The following CLK2 variants were observed in gnomAD, a reference collection of about 807,000 sequenced individuals.
CLK2 encodes dual specificity protein kinase CLK2.
Under a neutral mutation model 73.5 loss-of-function variants are expected in CLK2, and 12 were observed. That is an observed-to-expected ratio of 0.16 (90% CI 0.10 to 0.26). CLK2 has a LOEUF of 0.26. Among genes scored for constraint, CLK2 ranks in the 10% least tolerant of loss-of-function variants. The probability of loss-of-function intolerance (pLI) is 1.00; values close to 1 mark genes in which losing one functional copy is unlikely to be tolerated. For synonymous variants in CLK2, 232 were observed against 237.9 expected, an observed-to-expected ratio of 0.98 and a Z score of 0.23; for missense variants, 509 against 688.4, an observed-to-expected ratio of 0.74 and a Z score of 2.92.
At chr1:155,267,792 G>A (rs1673302524) in intron 6 of CLK2, among the ~76,000 whole-genome samples, 1 of 152,154 alleles carries the variant, frequency 6.6e-6, no homozygotes, top group African/African-American at 2.4e-5. Context: ...AAACGACAGA[G>A]CAATCTAACT....
intron 6 of CLK2, 83 bp from the exon 7 acceptor site, chr1:155,266,978 G>A: frequency 2.0e-6 from 3 of 1,466,044 alleles, no homozygotes; most frequent in South Asian, 2.5e-5. Context: ...GTACTTCATA[G>A]CTGTTGATTC....
chr1:155,268,766 T>C lies in CLK2; in HGVS notation c.429A>G (p.Val143=). 6.2e-7 allele frequency: 1 copy of C among 1,603,522 alleles called. No individual in the cohort carries two copies. Among genetic ancestry groups the C allele is most frequent in the Non-Finnish European group, 8.5e-7 (1 of 1,174,448 alleles). Residue 143 remains valine, a synonymous_variant, in exon 4 of 13, where the codon GTA becomes GTG. Transcript: ENST00000368361. This position sits in a 1 kb window ranked among gnomAD's most constrained non-coding sequence, Gnocchi z 5.6. ...TGAGGTGGCCCTCAGCGTCGTCCTC[T>C]ACACTCTTGGCTCTCCGGCTGCTGT... ...SQHSSRRAKS[V]EDDAEGHLIY... is the part of the protein sequence containing the mutation.
rs1673363523 is a variant in CLK2 at position 155,269,014 on chromosome 1, G to T, written c.400-219C>A. On this transcript the variant is annotated intron_variant, in intron 3 of 12. Coordinates refer to ENST00000368361, the MANE Select transcript of CLK2 (RefSeq NM_001294338.2). The stretch of plus-strand genomic sequence containing the variant: ...TCCCAAGTCCCCAAACCCAAAACAG[G>T]AACAGGGAGAGGCATGGGCAGAGCA... 7 of 607,834 alleles carry T rather than the reference G, an allele frequency of 1.2e-5. No individual in the cohort carries two copies. In the South Asian group the frequency reaches 1.3e-4, roughly 12 times the overall value. The allele number at this position is 607,834 out of a possible 1,614,324, so 37.7% of individuals were successfully genotyped here.
rs925012045 is a variant in CLK2 at position 155,263,042 on chromosome 1, T to C, written c.*176A>G. On this transcript the variant is annotated 3_prime_UTR_variant, in exon 13 of 13. Coordinates refer to ENST00000368361, the MANE Select transcript of CLK2 (RefSeq NM_001294338.2). ...AATAGTATTATGTACAAGGCAGGGGTTGAAGTGATAGGTACAAGTTCTTTC... is the reference window on the plus strand; with the variant it reads ...AATAGTATTATGTACAAGGCAGGGGCTGAAGTGATAGGTACAAGTTCTTTC... 1 of 628,006 alleles carries C rather than the reference T, an allele frequency of 1.6e-6. No homozygotes were observed. Among genetic ancestry groups the C allele is most frequent in the Non-Finnish European group, 2.7e-6 (1 of 372,490 alleles). The allele number at this position is 628,006 out of a possible 1,614,324, so 38.9% of individuals were successfully genotyped here. A position where few individuals can be genotyped will look rare whatever the true frequency, so the allele number is the denominator to read the frequency against.
At chr1:155,265,566 C>CAAATAAATAAATAAATAAAT (rs374400975) in intron 8 of CLK2, among the ~76,000 whole-genome samples, 1,256 of 106,474 alleles carry the variant, frequency 0.012, 10 homozygotes, top group African/African-American at 0.014. Flanking sequence ...GACTCTGTCT[C>CAAATAAATAAATAAATAAAT]AAATAAATAA....
chr1:155,268,852 GAGGCGGGGTGGGT>G lies in CLK2; in HGVS notation c.400-70_400-58del. 1.0e-6 allele frequency: 1 copy of G among 970,390 alleles called. No homozygotes were observed. Among genetic ancestry groups the G allele is most frequent in the Non-Finnish European group, 1.6e-6 (1 of 617,064 alleles). 60.1% of individuals were successfully genotyped at this position (970,390 alleles called of 1,614,324 possible). On this transcript the variant is annotated intron_variant, in intron 3 of 12. Transcript: ENST00000368361. The surrounding 1 kb of genome is among the most constrained non-coding windows in gnomAD (Gnocchi z 5.6). ...CAGGTGTCGGAGCGGGGGCCGGAGG[GAGGCGGGGTGGGT>G]GGTAGAGGGGTCACCGGTCACAGGC...
At chr1:155,269,124 C>A in intron 3 of CLK2, 1 of 573,906 alleles carries the variant, frequency 1.7e-6, no homozygotes, top group Admixed American at 3.1e-5. Context: ...TCCCCTTGCC[C>A]CCACCCAAGC....
intron 1 of CLK2, among the ~76,000 whole-genome samples, chr1:155,272,897 CTCCAGCTTTGATTGGA>C (rs1673576614): frequency 6.6e-6 from 1 of 152,164 alleles, no homozygotes; most frequent in African/African-American, 2.4e-5. Flanking sequence ...TATTCCTCCC[CTCCAGCTTTGATTGGA>C]CCCGAGTCCA....
At position 155,264,636 on chromosome 1, in the gene CLK2, C is replaced by A; in HGVS notation, c.1063+9G>T. On this transcript the variant is annotated intron_variant, in intron 9 of 12. Coordinates refer to ENST00000368361, the MANE Select transcript of CLK2 (RefSeq NM_001294338.2). ...TCTCACACACTTGGACAGCCTTGCCCTCCCTTACCAAGGATGACTTCTGGT... is the reference window on the plus strand; with the variant it reads ...TCTCACACACTTGGACAGCCTTGCCATCCCTTACCAAGGATGACTTCTGGT... 1.9e-6 allele frequency: 3 copies of A among 1,614,220 alleles called. No homozygotes were observed. The highest frequency in any genetic ancestry group is 2.5e-6 in the Non-Finnish European group (3 of 1,180,032).
chr1:155,268,231 A>G lies in CLK2; in HGVS notation c.554+62T>C. Reference sequence around the variant, plus strand: ...TTCTACCTCAGGTTAATTAGCAAAAAAGCCCCATATAACCCCAACCATCTC... The same window carrying G: ...TTCTACCTCAGGTTAATTAGCAAAAGAGCCCCATATAACCCCAACCATCTC... On this transcript the variant is annotated intron_variant, in intron 5 of 12. Transcript: ENST00000368361. This position sits in a 1 kb window ranked among gnomAD's most constrained non-coding sequence, Gnocchi z 5.6. 6.4e-7 allele frequency: 1 copy of G among 1,570,722 alleles called. No homozygotes were observed. The highest frequency in any genetic ancestry group is 8.8e-7 in the Non-Finnish European group (1 of 1,140,794).
rs1411759200 is a variant in CLK2, at chr1:155,264,283, C to T, written c.1164G>A (p.Glu388=). The T allele has an allele frequency of 1.2e-6, 2 of 1,614,054 alleles. No homozygotes were observed. Among genetic ancestry groups the T allele is most frequent in the Middle Eastern group, 1.6e-4 (1 of 6,084 alleles). The change falls in exon 11 of 13, where the codon GAG becomes GAA. Residue 388 remains glutamate, a synonymous_variant. Transcript: ENST00000368361. The part of the protein sequence containing the change: ...FTLFQTHDNR[E]HLAMMERILG... ...AGATCCTTTCCATCATGGCTAGATG[C>T]TCTCTGTTGTCATGGGTCTGGGAAA...
At chr1:155,272,064 T>C (rs1431850461) in intron 1 of CLK2, among the ~76,000 whole-genome samples, 1 of 150,898 alleles carries the variant, frequency 6.6e-6, no homozygotes, top group Admixed American at 6.6e-5. Flanking sequence ...TTGCCCAGGC[T>C]GGAGTGCAAT....
Position 155,266,898 on chromosome 1 carries a change from G to GT in CLK2, c.672-4_672-3insA, listed in dbSNP as rs766735136. Reference sequence around the variant, plus strand: ...AGTCAAACATCTGGACACAGAGGCTGAGAAGAGAGATGGGGGAAGGGGGGT... The same window carrying GT: ...AGTCAAACATCTGGACACAGAGGCTGTAGAAGAGAGATGGGGGAAGGGGGGT... On this transcript the variant is annotated splice_polypyrimidine_tract_variant and splice_region_variant and intron_variant, in intron 6 of 12. Coordinates refer to ENST00000368361, the MANE Select transcript of CLK2 (RefSeq NM_001294338.2). 11 of 1,612,756 alleles carry GT rather than the reference G, an allele frequency of 6.8e-6. No homozygotes were observed. The African/African-American group carries it at 1.3e-4, about 20-fold the overall frequency.
At chr1:155,272,016 G>GTTT (rs34906309) in intron 1 of CLK2, among the ~76,000 whole-genome samples, 96 of 137,082 alleles carry the variant, frequency 7.0e-4, no homozygotes, top group Middle Eastern at 3.8e-3. Context: ...TGTTTCTTGT[G>GTTT]TTTTTTTTTT....
intron 6 of CLK2, among the ~76,000 whole-genome samples, chr1:155,267,628 T>C (rs904224322): frequency 5.9e-5 from 9 of 152,216 alleles, no homozygotes; most frequent in Non-Finnish European, 8.8e-5. Flanking sequence ...GGACTGTGAA[T>C]GTATGTGAAC....
chr1:155,265,781 A>G lies in CLK2; in HGVS notation c.933+79T>C, dbSNP rs1446922050. 3 of 960,008 alleles carry G rather than the reference A, an allele frequency of 3.1e-6. No homozygotes were observed. In the African/African-American group the frequency reaches 4.8e-5, roughly 15 times the overall value. The allele number at this position is 960,008 out of a possible 1,614,324, so 59.5% of individuals were successfully genotyped here. A position where few individuals can be genotyped will look rare whatever the true frequency, so the allele number is the denominator to read the frequency against. ...TGTGGGAGGACGAAATAAAAGGGAGAAAACAAAGGGCTCGGCAGAAGGCAA... is the reference window on the plus strand; with the variant it reads ...TGTGGGAGGACGAAATAAAAGGGAGGAAACAAAGGGCTCGGCAGAAGGCAA... On this transcript the variant is annotated intron_variant, in intron 8 of 12. Transcript: ENST00000368361.
chr1:155,268,861 T>TGGGTGGGGGGGCGGGTGGGTGGGGGGGG lies in CLK2; in HGVS notation c.400-67_400-66insCCCCCCCCACCCACCCGCCCCCCCACCC. The stretch of plus-strand genomic sequence containing the variant: ...GAGCGGGGGCCGGAGGGAGGCGGGG[T>TGGGTGGGGGGGCGGGTGGGTGGGGGGGG]GGGTGGTAGAGGGGTCACCGGTCAC... On this transcript the variant is annotated intron_variant, in intron 3 of 12. Transcript: ENST00000368361. The surrounding 1 kb of genome is among the most constrained non-coding windows in gnomAD (Gnocchi z 5.6). 1 of 237,794 alleles carries TGGGTGGGGGGGCGGGTGGGTGGGGGGGG rather than the reference T, an allele frequency of 4.2e-6. No individual in the cohort carries two copies. Among genetic ancestry groups the TGGGTGGGGGGGCGGGTGGGTGGGGGGGG allele is most frequent in the Non-Finnish European group, 7.5e-6 (1 of 134,186 alleles). The allele number at this position is 237,794 out of a possible 1,614,324, so 14.7% of individuals were successfully genotyped here.
Position 155,268,840 on chromosome 1 carries a change from GGGGGCC to G in CLK2, c.400-51_400-46del. On this transcript the variant is annotated intron_variant, in intron 3 of 12. Coordinates refer to ENST00000368361, the MANE Select transcript of CLK2 (RefSeq NM_001294338.2). This position sits in a 1 kb window ranked among gnomAD's most constrained non-coding sequence, Gnocchi z 5.6. Reference sequence around the variant, plus strand: ...GTCGGAGCAAGCCAGGTGTCGGAGCGGGGGCCGGAGGGAGGCGGGGTGGGTGGTAGA... The same window carrying G: ...GTCGGAGCAAGCCAGGTGTCGGAGCGGGAGGGAGGCGGGGTGGGTGGTAGA... 1 of 1,296,132 alleles carries G rather than the reference GGGGGCC, an allele frequency of 7.7e-7. No individual in the cohort carries two copies. Among genetic ancestry groups the G allele is most frequent in the Non-Finnish European group, 1.1e-6 (1 of 902,784 alleles). 80.3% of individuals were successfully genotyped at this position (1,296,132 alleles called of 1,614,324 possible).
Position 155,268,861 on chromosome 1 carries a change from T to TGGGTGGGGGGGGG in CLK2, c.400-67_400-66insCCCCCCCCCACCC. The TGGGTGGGGGGGGG allele has an allele frequency of 4.2e-6, 1 of 237,798 alleles. No homozygotes were observed. Among genetic ancestry groups the TGGGTGGGGGGGGG allele is most frequent in the Non-Finnish European group, 7.5e-6 (1 of 134,188 alleles). 14.7% of individuals were successfully genotyped at this position (237,798 alleles called of 1,614,324 possible). On this transcript the variant is annotated intron_variant, in intron 3 of 12. Coordinates refer to ENST00000368361, the MANE Select transcript of CLK2 (RefSeq NM_001294338.2). This position sits in a 1 kb window ranked among gnomAD's most constrained non-coding sequence, Gnocchi z 5.6. ...GAGCGGGGGCCGGAGGGAGGCGGGG[T>TGGGTGGGGGGGGG]GGGTGGTAGAGGGGTCACCGGTCAC...
Sources: allele counts gnomAD v4.1 joint callset (sites outside exome capture counted in the v4.1 genomes callset), GRCh38; gene constraint gnomAD v4.1.1; non-coding constraint Gnocchi (gnomAD v3.1); transcripts MANE v1.5; gene names NCBI Gene and HGNC (gene_info 2026-07-23, HGNC 2026-07-21).